Variants in TPRG1 observed in about 807,000 individuals in gnomAD.
The protein encoded by TPRG1 is tumor protein p63 regulated 1.
A neutral mutation model predicts 29.3 loss-of-function variants in TPRG1; 29 were observed. That is an observed-to-expected ratio of 0.99 (90% CI 0.74 to 1.35). TPRG1 has a LOEUF of 1.35. Among genes scored for constraint, TPRG1 ranks in the 40% most tolerant of loss-of-function variants. The pLI is 0.00. For synonymous variants in TPRG1, 130 were observed against 116.8 expected (o/e 1.11, Z -0.73); for missense variants, 327 against 335.0 (o/e 0.98, Z 0.19).
At chr3:189,306,413 C>T (rs1721634713) in intron 4 of TPRG1, among the ~76,000 whole-genome samples, 1 of 152,122 alleles carries the variant, frequency 6.6e-6, no homozygotes, top group African/African-American at 2.4e-5. Context: ...AAGAAGCATC[C>T]TTGGACCCGG....
At chr3:189,022,263 C>T (rs564328877) in intron 3 of TPRG1, among the ~76,000 whole-genome samples, 30 of 151,284 alleles carry the variant, frequency 2.0e-4, no homozygotes, top group South Asian at 1.9e-3. Context: ...AGCTTTGTTC[C>T]GTTGCTGGTG....
chr3:189,124,573 C>T (rs1311809954), intron 1 of TPRG1, among the ~76,000 whole-genome samples: 2 of 150,752 alleles, frequency 1.3e-5, no homozygotes, highest in African/African-American at 2.5e-5. Flanking sequence ...TATATACACA[C>T]ACACACATAC....
chr3:189,320,373 G>GA (rs1724175567), intron 5 of TPRG1, among the ~76,000 whole-genome samples: 1 of 152,044 alleles, frequency 6.6e-6, no homozygotes, highest in African/African-American at 2.4e-5. Context: ...TAAACAAACT[G>GA]AAAAAATTAC....
intron 5 of TPRG1, among the ~76,000 whole-genome samples, chr3:189,311,948 C>T (rs1722559914): frequency 6.6e-6 from 1 of 152,070 alleles, no homozygotes; most frequent in African/African-American, 2.4e-5. Context: ...CATGCTCTTG[C>T]CGTGAACTTC....
rs113411302 is a variant in TPRG1, at chr3:189,233,340, G to A, written c.303-5393G>A. On this transcript the variant is annotated intron_variant, in intron 3 of 5. Coordinates refer to ENST00000345063, the MANE Select transcript of TPRG1 (RefSeq NM_198485.4). The stretch of plus-strand genomic sequence containing the variant: ...GCTGGGCGTGGGACTGGGGCCACTG[G>A]GAGGGCATCTGTGATGATTTGAGTA... 8.2e-3 allele frequency among the ~76,000 whole-genome samples: 1,245 copies of A among 152,214 alleles called. 10 individuals carry two copies. The highest frequency in any genetic ancestry group is 0.029 in the African/African-American group (1,186 of 41,532).
intron 5 of TPRG1, among the ~76,000 whole-genome samples, chr3:189,157,054 C>T (rs1387981777): frequency 2.0e-5 from 3 of 152,206 alleles, no homozygotes; most frequent in Non-Finnish European, 4.4e-5. Context: ...CTGGTTTTGA[C>T]TGGCTTTGCT....
intron 5 of TPRG1, among the ~76,000 whole-genome samples, chr3:189,152,545 C>G (rs1253454029): frequency 6.6e-6 from 1 of 152,022 alleles, no homozygotes; most frequent in African/African-American, 2.4e-5. Context: ...AGGATTGGTA[C>G]CCACCATTAT....
chr3:189,308,330 T>G (rs1191699744), intron 4 of TPRG1, among the ~76,000 whole-genome samples: 3 of 152,176 alleles, frequency 2.0e-5, no homozygotes, highest in Non-Finnish European at 4.4e-5. Flanking sequence ...CAGGATTTCT[T>G]TCATGTGAGT....
chr3:189,042,694 T>A (rs1714707668), intron 4 of TPRG1, among the ~76,000 whole-genome samples: 1 of 151,576 alleles, frequency 6.6e-6, no homozygotes, highest in African/African-American at 2.4e-5. Flanking sequence ...CTCATGAAAA[T>A]GAACTCAATC....
intron 5 of TPRG1, among the ~76,000 whole-genome samples, chr3:189,161,471 T>TTTA (rs1553914180): frequency 3.8e-5 from 4 of 103,906 alleles, no homozygotes; most frequent in African/African-American, 1.3e-4. Context: ...GTTCTTTTTT[T>TTTA]TTATTATTAT....
At chr3:189,114,595 G>A (rs1345042102) in intron 1 of TPRG1, among the ~76,000 whole-genome samples, 1 of 152,036 alleles carries the variant, frequency 6.6e-6, no homozygotes, top group Non-Finnish European at 1.5e-5. Context: ...ATGACACATA[G>A]GGTAAGAGTC....
chr3:188,997,594 T>C (rs948983533), intron 1 of TPRG1, among the ~76,000 whole-genome samples: 18 of 152,200 alleles, frequency 1.2e-4, no homozygotes, highest in African/African-American at 4.3e-4. Context: ...AGGATAGTTC[T>C]AGATAAACTG....
At chr3:189,237,838 C>T (rs923610967) in intron 3 of TPRG1, among the ~76,000 whole-genome samples, 1 of 152,142 alleles carries the variant, frequency 6.6e-6, no homozygotes, top group Non-Finnish European at 1.5e-5. Flanking sequence ...CATCAATCAA[C>T]ATTTTCAGTT....
intron 4 of TPRG1, among the ~76,000 whole-genome samples, chr3:189,269,246 C>T (rs1325943061): frequency 2.0e-5 from 3 of 152,106 alleles, no homozygotes; most frequent in Non-Finnish European, 4.4e-5. Flanking sequence ...AAAATCCATC[C>T]TAAACATACA....
chr3:189,215,151 C>T, intron 2 of TPRG1, 141 bp from the exon 3 acceptor site: 1 of 564,706 alleles, frequency 1.8e-6, no homozygotes, highest in East Asian at 3.4e-5. Flanking sequence ...TTCTGGAAGG[C>T]AGTTAGGCAT....
At chr3:189,009,348 GA>G (rs895047842) in intron 3 of TPRG1, among the ~76,000 whole-genome samples, 21 of 152,170 alleles carry the variant, frequency 1.4e-4, no homozygotes, top group South Asian at 8.3e-4. Flanking sequence ...TGGTCTGAGG[GA>G]AAGGACATTG....
intron 4 of TPRG1, among the ~76,000 whole-genome samples, chr3:189,093,438 C>A (rs7630786): frequency 6.6e-6 from 1 of 152,168 alleles, no homozygotes; most frequent in Non-Finnish European, 1.5e-5. Flanking sequence ...TCTAAACAGG[C>A]AGATTTTCAT....
intron 4 of TPRG1, among the ~76,000 whole-genome samples, chr3:189,057,933 A>G (rs960027839): frequency 2.7e-5 from 4 of 150,596 alleles, no homozygotes; most frequent in Non-Finnish European, 5.9e-5. Flanking sequence ...ATATGAATAT[A>G]TAAGTATATA....
At chr3:189,049,695 CA>C (rs1715194066) in intron 4 of TPRG1, among the ~76,000 whole-genome samples, 1 of 152,126 alleles carries the variant, frequency 6.6e-6, no homozygotes, top group Admixed American at 6.5e-5. Context: ...CTAACCAGCA[CA>C]AAAATAGAGC....
Sources: gnomAD v4.1 joint callset for allele counts (sites outside exome capture counted in the v4.1 genomes callset) on GRCh38, gnomAD v4.1.1 for gene constraint, MANE v1.5 for transcripts, NCBI Gene and HGNC (gene_info 2026-07-23, HGNC 2026-07-21) for gene names.